STAG2: variants seen among roughly 807,000 people sequenced by gnomAD.
STAG2 encodes the protein cohesin subunit SA-2.
In STAG2, 14 loss-of-function variants were observed where a neutral mutation model predicts 108.1. That is an observed-to-expected ratio of 0.13 (90% CI 0.09 to 0.20). STAG2 has a LOEUF of 0.20. STAG2 is among the 10% of genes least tolerant of loss of function. The pLI is 1.00. For synonymous variants in STAG2, 307 were observed against 302.7 expected, an observed-to-expected ratio of 1.01 and a Z score of -0.15; for missense variants, 440 against 940.9, an observed-to-expected ratio of 0.47 and a Z score of 6.96.
intron 29 of STAG2, among the ~76,000 whole-genome samples, chrX:124,085,297 G>A (rs1360751783): frequency 9.0e-6 from 1 of 111,276 alleles, no homozygotes; most frequent in African/African-American, 3.3e-5. Flanking sequence ...CTTTAGTGCG[G>A]GCTACTTATC....
chrX:124,041,618 A>C (rs1382989877), intron 6 of STAG2, among the ~76,000 whole-genome samples: 1 of 111,092 alleles, frequency 9.0e-6, no homozygotes, highest in Non-Finnish European at 1.9e-5. Flanking sequence ...CAATAAAAAC[A>C]GGATTTTGAA....
chrX:123,962,118 G>T (rs1334501719), intron 1 of STAG2: 1 of 111,304 alleles, frequency 9.0e-6, no homozygotes, highest in Non-Finnish European at 1.9e-5. Flanking sequence ...TAGGCAGCCT[G>T]TGCGTTTTCA....
intron 3 of STAG2, among the ~76,000 whole-genome samples, chrX:124,025,139 C>T (rs1465930709): frequency 2.7e-5 from 3 of 111,026 alleles, no homozygotes; most frequent in Admixed American, 9.7e-5. Context: ...TTAGAGATTT[C>T]GTTCTTTCCT....
At chrX:123,986,304 A>G (rs1471720845) in intron 1 of STAG2, among the ~76,000 whole-genome samples, 1 of 109,890 alleles carries the variant, frequency 9.1e-6, no homozygotes, top group African/African-American at 3.3e-5. Flanking sequence ...TAGGATTCCA[A>G]CCCAGGTCTC....
At chrX:124,036,825 G>C (rs2057532578) in intron 5 of STAG2, among the ~76,000 whole-genome samples, 1 of 111,036 alleles carries the variant, frequency 9.0e-6, no homozygotes, top group Non-Finnish European at 1.9e-5. Context: ...ACCCTTTAAA[G>C]TGCAAATTCA....
chrX:124,098,782 C>G (rs1459091680), intron 34 of STAG2, among the ~76,000 whole-genome samples: 1 of 111,141 alleles, frequency 9.0e-6, no homozygotes, highest in Admixed American at 9.6e-5. Context: ...GTAAAAATAT[C>G]TTTTTAAACA....
intron 1 of STAG2, among the ~76,000 whole-genome samples, chrX:124,011,963 A>T (rs1321253903): frequency 1.8e-5 from 2 of 111,498 alleles, no homozygotes; most frequent in Non-Finnish European, 3.8e-5. Flanking sequence ...ATAGCAGGTG[A>T]TTTTTTTCTA....
intron 27 of STAG2, among the ~76,000 whole-genome samples, chrX:124,079,729 A>G (rs890521340): frequency 8.9e-6 from 1 of 112,854 alleles, no homozygotes; most frequent in Admixed American, 9.3e-5. Flanking sequence ...TAGAAAATAT[A>G]AAAAGGAACA....
intron 16 of STAG2, 129 bp downstream of exon 16, chrX:124,061,470 T>TTTCATAATATGTTTG (rs2058373726): frequency 2.0e-6 from 1 of 498,234 alleles, no homozygotes; most frequent in Non-Finnish European, 3.3e-6. Context: ...CATAGTTTTG[T>TTTCATAATATGTTTG]TTTCATATAA....
chrX:124,091,332 C>T (rs1470144300), intron 32 of STAG2, among the ~76,000 whole-genome samples: 2 of 111,347 alleles, frequency 1.8e-5, no homozygotes, highest in Non-Finnish European at 3.8e-5. Flanking sequence ...TTTCTTCCCT[C>T]AAATCTCCCA....
At chrX:124,069,038 C>G (rs1460068650) in intron 24 of STAG2, among the ~76,000 whole-genome samples, 1 of 111,545 alleles carries the variant, frequency 9.0e-6, no homozygotes, top group Non-Finnish European at 1.9e-5. Context: ...CTGAGAGTAT[C>G]AGATGTTGGC....
intron 3 of STAG2, among the ~76,000 whole-genome samples, chrX:124,025,310 T>A (rs2057058728): frequency 8.9e-6 from 1 of 111,896 alleles, no homozygotes; most frequent in Admixed American, 9.6e-5. Context: ...TTTCAAATGC[T>A]TTAGTTTATA....
intron 1 of STAG2, among the ~76,000 whole-genome samples, chrX:123,963,721 T>C (rs1380671189): frequency 9.0e-6 from 1 of 111,292 alleles, no homozygotes; most frequent in Non-Finnish European, 1.9e-5. Context: ...AGGTATAATT[T>C]TAAATATGCC....
intron 10 of STAG2, 57 bp from the exon 11 acceptor site, chrX:124,050,129 A>G (rs1331729793): frequency 2.6e-6 from 3 of 1,167,282 alleles, no homozygotes; most frequent in South Asian, 2.0e-5. Context: ...TGAATAAACC[A>G]TAAGTTTTGT....
rs1282673118 is a variant in STAG2, at chrX:124,100,936, G to GA, written c.*341dup. 1 of 178,998 alleles carries GA rather than the reference G, an allele frequency of 5.6e-6. No homozygotes were observed. The highest frequency in any genetic ancestry group is 3.1e-5 in the African/African-American group (1 of 32,261). The allele number at this position is 178,998 out of a possible 1,213,427, so 14.8% of individuals were successfully genotyped here. A position where few individuals can be genotyped will look rare whatever the true frequency, so the allele number is the denominator to read the frequency against. Reference sequence around the variant, plus strand: ...CTGAAGAGGCATTTGGTACAGATATGAATTCTCTTACATTTATTTACTGGT... The same window carrying GA: ...CTGAAGAGGCATTTGGTACAGATATGAAATTCTCTTACATTTATTTACTGGT... On this transcript the variant is annotated 3_prime_UTR_variant, in exon 35 of 35. Transcript: ENST00000371145.
At chrX:124,022,491 T>C (rs2056965526) in intron 2 of STAG2, 40 bp from the exon 3 acceptor site, 5 of 470,466 alleles carry the variant, frequency 1.1e-5, no homozygotes. Flanking sequence ...CGAATATTTT[T>C]GGTGCATTTG....
At position 124,101,199 on chromosome X, in the gene STAG2, A is replaced by G; in HGVS notation, c.*602A>G. On this transcript the variant is annotated 3_prime_UTR_variant, in exon 35 of 35. Coordinates refer to ENST00000371145, the MANE Select transcript of STAG2 (RefSeq NM_001042750.2). ...TTTTCATCTAAAAGTATTTTAAGAT[A>G]TTTTTAAAATCCAAGAGCTTCTCTA... The G allele has an allele frequency of 6.6e-6, 1 of 150,567 alleles. No individual in the cohort carries two copies. The highest frequency in any genetic ancestry group is 1.3e-5 in the Non-Finnish European group (1 of 75,508). 12.4% of individuals were successfully genotyped at this position (150,567 alleles called of 1,213,427 possible). A position where few individuals can be genotyped will look rare whatever the true frequency, so the allele number is the denominator to read the frequency against.
chrX:123,964,873 C>T lies in STAG2; in HGVS notation c.-163+3017C>T, dbSNP rs760369136. Among the ~76,000 whole-genome samples, 3 of 109,203 alleles carry T rather than the reference C, an allele frequency of 2.7e-5. No homozygotes were observed. In the South Asian group the frequency reaches 1.2e-3, roughly 43 times the overall value. The allele number at this position is 109,203 out of a possible 115,157, so 94.8% of individuals were successfully genotyped here. On this transcript the variant is annotated intron_variant, in intron 1 of 34. Coordinates refer to ENST00000371145, the MANE Select transcript of STAG2 (RefSeq NM_001042750.2). Reference sequence around the variant, plus strand: ...TAACATTCTGACCATTACCCGTAAACAGTAAAAATGTGTTGCAATGACAAT... The same window carrying T: ...TAACATTCTGACCATTACCCGTAAATAGTAAAAATGTGTTGCAATGACAAT...
At chrX:123,986,141 T>C (rs1056715990) in intron 1 of STAG2, among the ~76,000 whole-genome samples, 2 of 106,978 alleles carry the variant, frequency 1.9e-5, no homozygotes, top group East Asian at 2.8e-4. Flanking sequence ...ATGTATCATA[T>C]ATGTATATAT....
Sources: gnomAD v4.1 joint callset for allele counts (sites outside exome capture counted in the v4.1 genomes callset) on GRCh38, gnomAD v4.1.1 for gene constraint, MANE v1.5 for transcripts, NCBI Gene and HGNC (gene_info 2026-07-23, HGNC 2026-07-21) for gene names.